Variants in BANK1 observed in about 807,000 individuals in gnomAD.
BANK1 encodes B cell scaffold protein with ankyrin repeats 1, also known as B-cell scaffold protein with ankyrin repeats.
In BANK1, 95 loss-of-function variants were observed where a neutral mutation model predicts 94.5. The observed-to-expected ratio is 1.00, with a 90% confidence interval of 0.85 to 1.19. The LOEUF is 1.19. Among genes scored for constraint, BANK1 ranks in the 50% most tolerant of loss-of-function variants. BANK1 has a pLI of 0.00. For missense variants in BANK1, 987 were observed against 932.2 expected (o/e 1.06, Z -0.77); for synonymous variants, 334 against 308.4 (o/e 1.08, Z -0.87).
rs766282247 is a variant in BANK1 at position 102,030,011 on chromosome 4, G to C, written c.1646G>C (p.Gly549Ala). Reference protein sequence around the residue: ...MERSQNWGHPGVRQETGDEPK... With the variant: ...MERSQNWGHPAVRQETGDEPK... ...AGAAGTCAAAACTGGGGTCATCCTG[G>C]TGTTAGACAAGAAACAGGAGATGAA... Residue 549 changes from glycine to alanine, a missense_variant, in exon 10 of 17, where the codon GGT (glycine) becomes GCT (alanine). By Grantham distance (60) the Gly-to-Ala change is moderately conservative. Transcript: ENST00000322953. 1 of 1,613,362 alleles carries C rather than the reference G, an allele frequency of 6.2e-7. No homozygotes were observed. The highest frequency in any genetic ancestry group is 8.5e-7 in the Non-Finnish European group (1 of 1,179,814).
chr4:101,950,020 T>G (rs1241968753), intron 7 of BANK1, among the ~76,000 whole-genome samples: 12 of 7,740 alleles, frequency 1.6e-3, no homozygotes, highest in Non-Finnish European at 4.0e-3. Flanking sequence ...AAGTAAGGGG[T>G]GTGTGTGTGT....
intron 7 of BANK1, among the ~76,000 whole-genome samples, chr4:101,962,011 G>A (rs1201173209): frequency 1.3e-5 from 2 of 151,982 alleles, no homozygotes; most frequent in East Asian, 1.9e-4. Flanking sequence ...CATTTTTTTC[G>A]TGCCTCCCTG....
intron 11 of BANK1, among the ~76,000 whole-genome samples, chr4:102,044,252 A>C (rs1034075123): frequency 6.6e-6 from 1 of 152,038 alleles, no homozygotes; most frequent in African/African-American, 2.4e-5. Flanking sequence ...TCATTGTTCA[A>C]TTCCCACCTA....
intron 7 of BANK1, chr4:101,977,053 G>C (rs1725158728): frequency 6.6e-6 from 1 of 152,132 alleles, no homozygotes; most frequent in Admixed American, 6.6e-5. Context: ...CAGGGATGAA[G>C]AAAGTCCCTG....
rs145099782 is a variant in BANK1, at chr4:101,868,690, G to A, written c.764-1815G>A. 4.5e-4 allele frequency among the ~76,000 whole-genome samples: 68 copies of A among 151,826 alleles called. 1 individual carries two copies. The highest frequency in any genetic ancestry group is 6.8e-3 in the Middle Eastern group (2 of 294). On this transcript the variant is annotated intron_variant, in intron 4 of 16. Transcript: ENST00000322953. ...TAATTGGATTTTATTTTTACTGAGA[G>A]GCTGTAAAATACAGTCATCATAGTG...
At position 102,071,321 on chromosome 4, in the gene BANK1, T is replaced by C; in HGVS notation, c.2242+17T>C. On this transcript the variant is annotated intron_variant, in intron 14 of 16. Transcript: ENST00000322953. ...ATCCAGGTGGTAAGTGCTTGGTATTTATTGAAGGATCTAAGACTAAAACAA... is the reference window on the plus strand; with the variant it reads ...ATCCAGGTGGTAAGTGCTTGGTATTCATTGAAGGATCTAAGACTAAAACAA... The C allele has an allele frequency of 6.2e-7, 1 of 1,612,110 alleles. No homozygotes were observed.
chr4:101,925,513 T>A (rs904427562), intron 7 of BANK1, among the ~76,000 whole-genome samples: 1 of 151,800 alleles, frequency 6.6e-6, no homozygotes. Flanking sequence ...AGGGAAATAA[T>A]ATACATGTGC....
chr4:101,870,652 A>T lies in BANK1; in HGVS notation c.903+8A>T. The T allele has an allele frequency of 6.2e-7, 1 of 1,607,192 alleles. No homozygotes were observed. Among genetic ancestry groups the T allele is most frequent in the East Asian group, 2.2e-5 (1 of 44,760 alleles). ...GGAGAGAGTTTGTGCCAGGTAAGTT[A>T]ATCTTTCCACGAAGTTAATCATAAT... On this transcript the variant is annotated splice_region_variant and intron_variant, in intron 5 of 16. Coordinates refer to ENST00000322953, the MANE Select transcript of BANK1 (RefSeq NM_017935.5).
Position 101,862,605 on chromosome 4 carries a change from A to T in BANK1, c.704A>T (p.Lys235Met), listed in dbSNP as rs2148877610. The T allele has an allele frequency of 1.9e-6, 3 of 1,611,868 alleles. No homozygotes were observed. The highest frequency in any genetic ancestry group is 2.5e-6 in the Non-Finnish European group (3 of 1,178,852). The change falls in exon 4 of 17, where the codon AAG (lysine) becomes ATG (methionine). Residue 235 changes from lysine (K) to methionine (M), a missense_variant. By Grantham distance (95) the Lys-to-Met change is moderately conservative. Transcript: ENST00000322953. ...TVEVEFTSSNKRIRTRPALWN... is the reference protein window; with the variant it reads ...TVEVEFTSSNMRIRTRPALWN... ...GAGGTTGAATTTACATCAAGTAATA[A>T]GCGCATTAGAACACGGCCAGCCCTT...
At chr4:101,986,501 T>TA (rs1003385299) in intron 7 of BANK1, among the ~76,000 whole-genome samples, 6 of 152,036 alleles carry the variant, frequency 3.9e-5, no homozygotes, top group African/African-American at 1.4e-4. Flanking sequence ...TTCCTTACTT[T>TA]AAAAATATGG....
At chr4:101,904,534 A>G (rs1722383852) in intron 6 of BANK1, among the ~76,000 whole-genome samples, 1 of 152,194 alleles carries the variant, frequency 6.6e-6, no homozygotes, top group South Asian at 2.1e-4. Flanking sequence ...ATTATTTCCT[A>G]ATCTTTGGCA....
intron 6 of BANK1, among the ~76,000 whole-genome samples, chr4:101,896,635 T>C (rs1321441384): frequency 6.6e-6 from 1 of 151,904 alleles, no homozygotes; most frequent in Non-Finnish European, 1.5e-5. Context: ...AATTAAATAC[T>C]AGATGAGAAT....
At chr4:101,811,336 T>G (rs567879718) in intron 1 of BANK1, among the ~76,000 whole-genome samples, 6 of 152,284 alleles carry the variant, frequency 3.9e-5, no homozygotes, top group African/African-American at 1.4e-4. Context: ...GGTAGGGAAT[T>G]TTTTTGAGAC....
At chr4:101,910,913 C>T (rs1371118667) in intron 6 of BANK1, among the ~76,000 whole-genome samples, 2 of 152,066 alleles carry the variant, frequency 1.3e-5, no homozygotes, top group Non-Finnish European at 2.9e-5. Flanking sequence ...TCAGAGGGCA[C>T]AGAAGCCAAG....
intron 5 of BANK1, among the ~76,000 whole-genome samples, chr4:101,885,892 A>G (rs140867235): frequency 9.2e-5 from 14 of 152,314 alleles, no homozygotes; most frequent in Admixed American, 5.2e-4. Flanking sequence ...TAGACCTCAA[A>G]CGTGTATAGA....
chr4:101,855,337 C>A, intron 3 of BANK1, 148 bp downstream of exon 3: 1 of 675,690 alleles, frequency 1.5e-6, no homozygotes, highest in South Asian at 3.5e-5. Context: ...CCTCAGCCTC[C>A]CAAAATGTTG....
chr4:101,912,269 A>G (rs1427108256), intron 6 of BANK1, among the ~76,000 whole-genome samples: 1 of 152,132 alleles, frequency 6.6e-6, no homozygotes, highest in Non-Finnish European at 1.5e-5. Context: ...TCCCCTTTCT[A>G]AAAGGACCCA....
At chr4:101,970,030 G>A (rs1724900157) in intron 7 of BANK1, among the ~76,000 whole-genome samples, 1 of 152,118 alleles carries the variant, frequency 6.6e-6, no homozygotes, top group African/African-American at 2.4e-5. Flanking sequence ...AAGTCAGTAA[G>A]ACAGTCTTGA....
At chr4:101,987,496 T>C (rs1725554298) in intron 7 of BANK1, among the ~76,000 whole-genome samples, 1 of 152,174 alleles carries the variant, frequency 6.6e-6, no homozygotes. Context: ...TATTTTGATA[T>C]ACTCATTTAA....
Sources: gnomAD v4.1 joint callset for allele counts (sites outside exome capture counted in the v4.1 genomes callset) on GRCh38, gnomAD v4.1.1 for gene constraint, MANE v1.5 for transcripts, NCBI Gene and HGNC (gene_info 2026-07-23, HGNC 2026-07-21) for gene names.